Variants in KALRN observed in about 807,000 individuals in gnomAD.
KALRN encodes kalirin.
KALRN carries 70 observed loss-of-function variants against 353.7 expected under a neutral mutation model. That is an observed-to-expected ratio of 0.20 (90% confidence interval 0.16 to 0.24). KALRN has a LOEUF of 0.24. KALRN is among the 10% of genes least tolerant of loss of function. The probability of loss-of-function intolerance (pLI) is 1.00; values close to 1 mark genes in which losing one functional copy is unlikely to be tolerated. For missense variants in KALRN, 2,791 were observed against 3,756.7 expected (o/e 0.74, Z 6.72); for synonymous variants, 1,391 against 1,434.8 (o/e 0.97, Z 0.69).
intron 1 of KALRN, among the ~76,000 whole-genome samples, chr3:124,177,439 T>G (rs1488312421): frequency 6.6e-6 from 1 of 152,174 alleles, no homozygotes; most frequent in Non-Finnish European, 1.5e-5. Context: ...AACAGTGACT[T>G]AGCCTGGATT....
intron 34 of KALRN, among the ~76,000 whole-genome samples, chr3:124,600,881 G>C (rs2076729585): frequency 6.6e-6 from 1 of 152,174 alleles, no homozygotes; most frequent in Non-Finnish European, 1.5e-5. Flanking sequence ...CTGAAGCTGG[G>C]GTTCTAGCAC....
In KALRN at chr3:124,720,727, T is replaced by G. The variant is rs2150856201; in HGVS notation, c.*1257T>G. ...AATTGTACTTTGAGGCCAATGCTGC[T>G]TTCTGGTGTATATTCTCCATACAAG... On this transcript the variant is annotated 3_prime_UTR_variant, in exon 60 of 60. Coordinates refer to ENST00000682506, the MANE Select transcript of KALRN (RefSeq NM_001388419.1). 6.6e-6 allele frequency: 1 copy of G among 152,434 alleles called. No homozygotes were observed. Among genetic ancestry groups the G allele is most frequent in the Non-Finnish European group, 1.5e-5 (1 of 68,028 alleles). The allele number at this position is 152,434 out of a possible 1,614,324, so 9.4% of individuals were successfully genotyped here. A position where few individuals can be genotyped will look rare whatever the true frequency, so the allele number is the denominator to read the frequency against.
intron 34 of KALRN, among the ~76,000 whole-genome samples, chr3:124,605,804 G>A (rs2077285244): frequency 6.6e-6 from 1 of 152,126 alleles, no homozygotes; most frequent in African/African-American, 2.4e-5. Flanking sequence ...TTAAGCTGCT[G>A]TGCTTCACCC....
chr3:124,070,978 C>T (rs1186551904), intron 1 of KALRN, among the ~76,000 whole-genome samples: 2 of 59,810 alleles, frequency 3.3e-5, no homozygotes, highest in Non-Finnish European at 3.9e-5. Context: ...CCTTGTCTTG[C>T]TCCCTTCCAC....
chr3:124,115,246 G>T (rs765032376), intron 1 of KALRN, among the ~76,000 whole-genome samples: 4 of 152,170 alleles, frequency 2.6e-5, no homozygotes, highest in African/African-American at 4.8e-5. Flanking sequence ...TGGAAAGGTT[G>T]GTTGGGTGGG....
intron 6 of KALRN, among the ~76,000 whole-genome samples, chr3:124,312,161 T>C (rs2078334616): frequency 6.6e-6 from 1 of 152,176 alleles, no homozygotes; most frequent in Non-Finnish European, 1.5e-5. Flanking sequence ...TTTCATTCCA[T>C]TTCATTTCAT....
At position 124,701,811 on chromosome 3, in the gene KALRN, T is replaced by C. The variant is rs549630078; in HGVS notation, c.7997-227T>C. ...ATTTCTGATTGTACTGCGTTTTCCC[T>C]TTGTTTAAGTAGATGGGAGAGAGAA... is the stretch of plus-strand genomic sequence containing the variant. On this transcript the variant is annotated intron_variant, in intron 56 of 59. Coordinates refer to ENST00000682506, the MANE Select transcript of KALRN (RefSeq NM_001388419.1). Among the ~76,000 whole-genome samples, 405 of 152,296 alleles carry C rather than the reference T, an allele frequency of 2.7e-3. 5 individuals are homozygous for C. Among genetic ancestry groups the C allele is most frequent in the Non-Finnish European group, 1.7e-3 (116 of 68,024 alleles).
rs537289532 is a variant in KALRN at position 124,109,728 on chromosome 3, A to G, written c.73+75915A>G. Among the ~76,000 whole-genome samples, 362 of 143,630 alleles carry G rather than the reference A, an allele frequency of 2.5e-3. 2 individuals carry two copies. Among genetic ancestry groups the G allele is most frequent in the Middle Eastern group, 0.018 (2 of 112 alleles). 94.2% of individuals were successfully genotyped at this position (143,630 alleles called of 152,430 possible). ...GATATATATATGACATATATATCAT[A>G]CTTTGATATATATATGACATATATA... On this transcript the variant is annotated intron_variant, in intron 1 of 59. Transcript: ENST00000682506.
intron 3 of KALRN, among the ~76,000 whole-genome samples, chr3:124,245,369 T>G (rs994727390): frequency 6.6e-6 from 1 of 152,228 alleles, no homozygotes; most frequent in Admixed American, 6.5e-5. Flanking sequence ...ATATCACATT[T>G]TCTTTATCCA....
At chr3:124,379,846 A>G (rs2087094581) in intron 10 of KALRN, among the ~76,000 whole-genome samples, 1 of 152,180 alleles carries the variant, frequency 6.6e-6, no homozygotes, top group Non-Finnish European at 1.5e-5. Context: ...TACTATTCAA[A>G]TGTAAGGTTT....
At chr3:124,112,157 G>A (rs1294844413) in intron 1 of KALRN, among the ~76,000 whole-genome samples, 1 of 152,042 alleles carries the variant, frequency 6.6e-6, no homozygotes, top group Non-Finnish European at 1.5e-5. Flanking sequence ...ACAAAAATTA[G>A]TCAGGTGCAG....
At chr3:124,516,665 G>A (rs891913123) in intron 33 of KALRN, among the ~76,000 whole-genome samples, 70 of 146,166 alleles carry the variant, frequency 4.8e-4, no homozygotes, top group Middle Eastern at 3.6e-3. Flanking sequence ...ACCTGGTAAT[G>A]ACAGTGAATT....
chr3:124,322,456 G>A (rs2079434807), intron 6 of KALRN, among the ~76,000 whole-genome samples: 1 of 152,180 alleles, frequency 6.6e-6, no homozygotes, highest in Admixed American at 6.6e-5. Context: ...CTCTGCAGAT[G>A]GAAAGGCATT....
chr3:124,046,688 A>C (rs1011839131), intron 1 of KALRN, among the ~76,000 whole-genome samples: 4 of 152,170 alleles, frequency 2.6e-5, no homozygotes, highest in African/African-American at 9.7e-5. Context: ...TGAGGTGTGC[A>C]CTTCACTTGT....
intron 5 of KALRN, among the ~76,000 whole-genome samples, chr3:124,281,686 C>T (rs576614427): frequency 1.2e-4 from 19 of 152,304 alleles, no homozygotes; most frequent in African/African-American, 4.1e-4. Flanking sequence ...TTATCCATCC[C>T]CCTCAAATTG....
chr3:124,657,671 A>G, intron 40 of KALRN, 63 bp from the exon 41 acceptor site: 3 of 1,412,734 alleles, frequency 2.1e-6, no homozygotes, highest in Non-Finnish European at 3.0e-6. Flanking sequence ...TCATCTTATT[A>G]TTGAGAAATA....
chr3:124,091,295 A>G (rs1349450171), intron 1 of KALRN, among the ~76,000 whole-genome samples: 1 of 152,192 alleles, frequency 6.6e-6, no homozygotes, highest in African/African-American at 2.4e-5. Flanking sequence ...TGGTTTGCAG[A>G]TACCAGCAAC....
At chr3:124,661,804 C>A in intron 44 of KALRN, 47 bp from the exon 45 acceptor site, 1 of 1,445,724 alleles carries the variant, frequency 6.9e-7, no homozygotes, top group Non-Finnish European at 9.7e-7. Flanking sequence ...GAGCTTCCTG[C>A]CTGAGTGCTG....
At chr3:124,388,868 A>G (rs1489837493) in intron 11 of KALRN, among the ~76,000 whole-genome samples, 1 of 152,174 alleles carries the variant, frequency 6.6e-6, no homozygotes, top group Non-Finnish European at 1.5e-5. Context: ...CACCTCTTAA[A>G]CATCACTAAG....
Sources: gnomAD v4.1 joint callset for allele counts (sites outside exome capture counted in the v4.1 genomes callset) on GRCh38, gnomAD v4.1.1 for gene constraint, MANE v1.5 for transcripts, NCBI Gene and HGNC (gene_info 2026-07-23, HGNC 2026-07-21) for gene names.